Variants in DLGAP1 observed in about 807,000 individuals in gnomAD.
DLGAP1 encodes disks large-associated protein 1.
Under a neutral mutation model 90.8 loss-of-function variants are expected in DLGAP1, and 11 were observed. That is an observed-to-expected ratio of 0.12 (90% CI 0.08 to 0.20). The LOEUF (loss-of-function observed/expected upper bound fraction) is 0.20, where lower values mean the gene tolerates loss of function less well. DLGAP1 is among the 10% of genes least tolerant of loss of function. The probability of loss-of-function intolerance (pLI) is 1.00; values close to 1 mark genes in which losing one functional copy is unlikely to be tolerated. For missense variants in DLGAP1, 1,050 were observed against 1,333.8 expected (o/e 0.79, Z 3.31); for synonymous variants, 558 against 540.7 (o/e 1.03, Z -0.44).
intron 7 of DLGAP1, among the ~76,000 whole-genome samples, chr18:3,602,593 CAAAAAAAAAAA>C (rs71159102): frequency 7.5e-5 from 5 of 66,700 alleles, no homozygotes; most frequent in East Asian, 3.9e-4. Flanking sequence ...AGACTCCGTC[CAAAAAAAAAAA>C]AAAAAAAAAA....
At position 3,499,443 on chromosome 18, in the gene DLGAP1, C is replaced by T. The variant is rs2049812619; in HGVS notation, c.2725-49G>A. 1.9e-6 allele frequency: 3 copies of T among 1,542,208 alleles called. No individual in the cohort carries two copies. Among genetic ancestry groups the T allele is most frequent in the African/African-American group, 2.8e-5 (2 of 72,104 alleles). On this transcript the variant is annotated intron_variant, in intron 12 of 12. Transcript: ENST00000315677. The surrounding 1 kb of genome is among the most constrained non-coding windows in gnomAD (Gnocchi z 6.4). ...ACATTACACAGCTTCTCAGGACAAG[C>T]TTGGGAAAAACTGGGATAGGTCAGT...
intron 2 of DLGAP1, among the ~76,000 whole-genome samples, chr18:4,071,117 T>A (rs2075440505): frequency 6.6e-6 from 1 of 152,190 alleles, no homozygotes; most frequent in African/African-American, 2.4e-5. Flanking sequence ...GATATTTACA[T>A]GTTCACTATT....
At chr18:4,132,514 G>T (rs2076332174) in intron 2 of DLGAP1, among the ~76,000 whole-genome samples, 1 of 152,130 alleles carries the variant, frequency 6.6e-6, no homozygotes, top group South Asian at 2.1e-4. Context: ...GTAAAATGGG[G>T]AGAAAATAAT....
At position 4,415,072 on chromosome 18, in the gene DLGAP1, T is replaced by TAA. The variant is rs549124584; in HGVS notation, c.-267+39932_-267+39933dup. ...ACACACATACACATATATATATATA[T>TAA]AATGACTGTTGATATTAGAGGAACA... On this transcript the variant is annotated intron_variant, in intron 1 of 12. Transcript: ENST00000315677. Among the ~76,000 whole-genome samples the TAA allele has an allele frequency of 5.1e-3, 747 of 146,908 alleles. 3 individuals are homozygous for TAA. The highest frequency in any genetic ancestry group is 0.015 in the South Asian group (69 of 4,614).
intron 7 of DLGAP1, among the ~76,000 whole-genome samples, chr18:3,725,498 G>GT (rs1830717773): frequency 1.3e-5 from 2 of 152,056 alleles, no homozygotes; most frequent in Non-Finnish European, 2.9e-5. Flanking sequence ...AAGGGTTCTT[G>GT]TTTTTTCAGT....
rs563852215 is a variant in DLGAP1, at chr18:3,752,838, G to A, written c.1173-10326C>T. Among the ~76,000 whole-genome samples the A allele has an allele frequency of 5.3e-5, 8 of 151,914 alleles. No individual in the cohort carries two copies. In the South Asian group the frequency reaches 6.2e-4, roughly 12 times the overall value. On this transcript the variant is annotated intron_variant, in intron 5 of 12. Coordinates refer to ENST00000315677, the MANE Select transcript of DLGAP1 (RefSeq NM_004746.4). ...AGCATGATGTTTTCAAGGTTCATCCGTGTTGTAGCATGTATCAGTACTTCA... is the reference window on the plus strand; with the variant it reads ...AGCATGATGTTTTCAAGGTTCATCCATGTTGTAGCATGTATCAGTACTTCA...
chr18:4,108,729 G>A (rs1299498134), intron 2 of DLGAP1, among the ~76,000 whole-genome samples: 1 of 152,190 alleles, frequency 6.6e-6, no homozygotes, highest in African/African-American at 2.4e-5. Flanking sequence ...TAATAAAGGT[G>A]CTAACAGTGA....
At chr18:3,739,229 G>A (rs1263882878) in intron 6 of DLGAP1, among the ~76,000 whole-genome samples, 1 of 120,638 alleles carries the variant, frequency 8.3e-6, no homozygotes, top group East Asian at 2.3e-4. Context: ...GATTCCTCAG[G>A]GATCTAGAAC....
intron 1 of DLGAP1, among the ~76,000 whole-genome samples, chr18:4,331,991 G>T (rs1216066913): frequency 6.6e-6 from 1 of 151,780 alleles, no homozygotes; most frequent in Non-Finnish European, 1.5e-5. Flanking sequence ...ACAATTCAAT[G>T]GGGAAGACAG....
At position 4,147,446 on chromosome 18, in the gene DLGAP1, A is replaced by C. The variant is rs926731369; in HGVS notation, c.-159+3734T>G. ...TCTTATATATTGAGTATGGGCTTAT[A>C]TAATAAGGTTTCTGTGTGAAGGAAA... On this transcript the variant is annotated intron_variant, in intron 2 of 12. Coordinates refer to ENST00000315677, the MANE Select transcript of DLGAP1 (RefSeq NM_004746.4). 2.2e-4 allele frequency among the ~76,000 whole-genome samples: 34 copies of C among 152,184 alleles called. 1 individual carries two copies. The highest frequency in any genetic ancestry group is 8.0e-4 in the African/African-American group (33 of 41,452).
At chr18:3,527,306 ACT>A (rs370901658) in intron 10 of DLGAP1, among the ~76,000 whole-genome samples, 53 of 151,230 alleles carry the variant, frequency 3.5e-4, no homozygotes, top group Middle Eastern at 3.4e-3. Context: ...AATTAGATAG[ACT>A]CTTTCTTCTT....
intron 2 of DLGAP1, among the ~76,000 whole-genome samples, chr18:4,119,340 C>T (rs1009608027): frequency 6.6e-6 from 1 of 152,224 alleles, no homozygotes; most frequent in South Asian, 2.1e-4. Flanking sequence ...GCAATCCTCC[C>T]TCCTCAGCCT....
At chr18:3,868,610 T>C (rs2070549414) in intron 4 of DLGAP1, among the ~76,000 whole-genome samples, 1 of 152,178 alleles carries the variant, frequency 6.6e-6, no homozygotes, top group South Asian at 2.1e-4. Context: ...GCCTATTTGG[T>C]CAAGTTTTCA....
intron 7 of DLGAP1, among the ~76,000 whole-genome samples, chr18:3,626,730 A>AT (rs1341217358): frequency 3.3e-5 from 5 of 151,890 alleles, no homozygotes; most frequent in Non-Finnish European, 7.4e-5. Context: ...ACATGGAAAA[A>AT]TTTTGTCTCT....
At chr18:3,652,413 A>C (rs1000451081) in intron 7 of DLGAP1, among the ~76,000 whole-genome samples, 2 of 152,076 alleles carry the variant, frequency 1.3e-5, no homozygotes, top group African/African-American at 4.8e-5. Context: ...CTGTAGCCTC[A>C]AACTCTTGAG....
intron 1 of DLGAP1, among the ~76,000 whole-genome samples, chr18:4,217,937 T>C (rs2077991989): frequency 6.6e-6 from 1 of 152,186 alleles, no homozygotes; most frequent in South Asian, 2.1e-4. Context: ...TTATCAATTT[T>C]TTTCTTTCAT....
intron 7 of DLGAP1, among the ~76,000 whole-genome samples, chr18:3,609,292 C>T (rs954687170): frequency 5.9e-5 from 9 of 152,164 alleles, no homozygotes; most frequent in African/African-American, 2.2e-4. Context: ...AGTGATCCTC[C>T]CACCTTGGCC....
chr18:3,534,492 G>A lies in DLGAP1; in HGVS notation c.2181C>T (p.Ala727=), dbSNP rs759750967. 6.2e-7 allele frequency: 1 copy of A among 1,614,164 alleles called. No homozygotes were observed. Among genetic ancestry groups the A allele is most frequent in the Non-Finnish European group, 8.5e-7 (1 of 1,180,022 alleles). ...IEDNSCPGPM[A]RQFSRDASTS... ...TGCTGGCATCGCGGGAGAACTGTCT[G>A]GCCATGGGGCCAGGACACGAATTGT... The change falls in exon 10 of 13, where the codon GCC becomes GCT. Residue 727 remains alanine, a synonymous_variant. Coordinates refer to ENST00000315677, the MANE Select transcript of DLGAP1 (RefSeq NM_004746.4).
chr18:4,267,421 T>A (rs1257360510), intron 1 of DLGAP1, among the ~76,000 whole-genome samples: 1 of 152,204 alleles, frequency 6.6e-6, no homozygotes, highest in African/African-American at 2.4e-5. Flanking sequence ...TTGGTTAAAC[T>A]CTACAGTTAC....
Sources: allele counts gnomAD v4.1 joint callset (sites outside exome capture counted in the v4.1 genomes callset), GRCh38; gene constraint gnomAD v4.1.1; non-coding constraint Gnocchi (gnomAD v3.1); transcripts MANE v1.5; gene names NCBI Gene and HGNC (gene_info 2026-07-23, HGNC 2026-07-21).